SPAG16: variants seen among roughly 807,000 people sequenced by gnomAD.
SPAG16 encodes sperm associated antigen 16.
SPAG16 carries 86 observed loss-of-function variants against 80.4 expected under a neutral mutation model. That is an observed-to-expected ratio of 1.07 (90% CI 0.90 to 1.28). The LOEUF is 1.28. Among genes scored for constraint, SPAG16 ranks in the 50% most tolerant of loss-of-function variants. SPAG16 has a pLI of 0.00. For missense variants in SPAG16, 870 were observed against 765.3 expected (o/e 1.14, Z -1.61); for synonymous variants, 294 against 265.9 (o/e 1.11, Z -1.03).
chr2:214,272,378 G>A (rs1332389145), intron 15 of SPAG16, among the ~76,000 whole-genome samples: 1 of 152,036 alleles, frequency 6.6e-6, no homozygotes, highest in Non-Finnish European at 1.5e-5. Flanking sequence ...CATGTGCCAT[G>A]TTGGTTTGCT....
At chr2:213,602,818 C>A (rs2061116764) in intron 10 of SPAG16, among the ~76,000 whole-genome samples, 1 of 152,114 alleles carries the variant, frequency 6.6e-6, no homozygotes, top group South Asian at 2.1e-4. Context: ...TGAATAAAAT[C>A]TTTGATCTCA....
chr2:213,367,381 C>T (rs144409984), intron 8 of SPAG16, among the ~76,000 whole-genome samples: 29,834 of 151,676 alleles, frequency 0.2, 3,874 homozygotes, highest in Non-Finnish European at 0.3. Flanking sequence ...TTCATAATGG[C>T]TGAACTAGTT....
chr2:214,373,196 A>G (rs960094203), intron 15 of SPAG16, among the ~76,000 whole-genome samples: 1 of 152,216 alleles, frequency 6.6e-6, no homozygotes, highest in African/African-American at 2.4e-5. Flanking sequence ...TATAATACTG[A>G]GGAATTTGTT....
In SPAG16 at chr2:214,117,785, G is replaced by C. The variant is rs867343101; in HGVS notation, c.1593+9524G>C. Among the ~76,000 whole-genome samples, 8 of 152,234 alleles carry C rather than the reference G, an allele frequency of 5.3e-5. No individual in the cohort carries two copies. The Middle Eastern group carries it at 0.027, about 518-fold the overall frequency. On this transcript the variant is annotated intron_variant, in intron 14 of 15. Coordinates refer to ENST00000331683, the MANE Select transcript of SPAG16 (RefSeq NM_024532.5). ...GATCATCTCATTAGCCATGGGAAAAGCATTCAATAAAATTCACAATCCCTT... is the reference window on the plus strand; with the variant it reads ...GATCATCTCATTAGCCATGGGAAAACCATTCAATAAAATTCACAATCCCTT...
chr2:213,793,082 G>T (rs929507423), intron 10 of SPAG16, among the ~76,000 whole-genome samples: 1 of 151,854 alleles, frequency 6.6e-6, no homozygotes, highest in Non-Finnish European at 1.5e-5. Context: ...GCCTGCCACC[G>T]CGCCCAGCTA....
intron 15 of SPAG16, among the ~76,000 whole-genome samples, chr2:214,346,574 T>TA (rs2126040542): frequency 6.6e-6 from 1 of 152,218 alleles, no homozygotes; most frequent in Admixed American, 6.5e-5. Flanking sequence ...GCTTGTGATT[T>TA]CAATAATAGA....
chr2:213,362,767 C>T (rs1476836466), intron 7 of SPAG16, among the ~76,000 whole-genome samples: 1 of 152,146 alleles, frequency 6.6e-6, no homozygotes, highest in Non-Finnish European at 1.5e-5. Flanking sequence ...TCTTGTGTTG[C>T]TATAAAGGAA....
intron 15 of SPAG16, among the ~76,000 whole-genome samples, chr2:214,345,912 T>C (rs1314723763): frequency 6.6e-6 from 1 of 152,240 alleles, no homozygotes; most frequent in Non-Finnish European, 1.5e-5. Context: ...TTTGTTGCTA[T>C]GCAGGATACC....
In SPAG16 at chr2:214,056,420, TTTTG is replaced by T. The variant is rs1352369646; in HGVS notation, c.1527+42347_1527+42350del. ...CAATAAAGCAAGTCACACAATTTTTTTTTGTTTCTCTGTCCATATAAAAGTTATG... is the reference window on the plus strand; with the variant it reads ...CAATAAAGCAAGTCACACAATTTTTTTTTCTCTGTCCATATAAAAGTTATG... On this transcript the variant is annotated intron_variant, in intron 13 of 15. Transcript: ENST00000331683. Among the ~76,000 whole-genome samples the T allele has an allele frequency of 5.9e-5, 9 of 152,112 alleles. No homozygotes were observed. In the South Asian group the frequency reaches 6.2e-4, roughly 11 times the overall value.
intron 9 of SPAG16, among the ~76,000 whole-genome samples, chr2:213,402,160 T>C (rs75058097): frequency 0.069 from 10,514 of 152,104 alleles, 572 homozygotes; most frequent in South Asian, 0.13. Flanking sequence ...ATAATAGGTA[T>C]AATTTTTTAA....
chr2:213,845,435 A>G (rs1037326901), intron 10 of SPAG16, among the ~76,000 whole-genome samples: 1 of 151,994 alleles, frequency 6.6e-6, no homozygotes, highest in Admixed American at 6.6e-5. Flanking sequence ...TGACCTCGTG[A>G]TCCACCCTCT....
intron 12 of SPAG16, among the ~76,000 whole-genome samples, chr2:213,971,441 A>T (rs181284855): frequency 2.0e-5 from 3 of 152,266 alleles, no homozygotes; most frequent in African/African-American, 7.2e-5. Flanking sequence ...TATAAATACA[A>T]CATATACTAC....
intron 12 of SPAG16, among the ~76,000 whole-genome samples, chr2:213,935,697 G>A (rs574503753): frequency 1.3e-5 from 2 of 152,264 alleles, no homozygotes; most frequent in South Asian, 4.1e-4. Flanking sequence ...TTTTATGTTA[G>A]CATTGACCAC....
chr2:213,837,709 A>G (rs2074161062), intron 10 of SPAG16, among the ~76,000 whole-genome samples: 1 of 152,226 alleles, frequency 6.6e-6, no homozygotes, highest in Non-Finnish European at 1.5e-5. Flanking sequence ...TTATATAGCA[A>G]AAGGCACTTG....
At chr2:213,649,751 A>C (rs2062956766) in intron 10 of SPAG16, among the ~76,000 whole-genome samples, 1 of 152,018 alleles carries the variant, frequency 6.6e-6, no homozygotes, top group Non-Finnish European at 1.5e-5. Context: ...ATTTAAAATA[A>C]AATATTTTTT....
chr2:214,177,971 G>GTATATATATATA (rs34460783), intron 15 of SPAG16, among the ~76,000 whole-genome samples: 25 of 59,314 alleles, frequency 4.2e-4, no homozygotes, highest in Admixed American at 1.9e-3. Context: ...CAAAGTGTAT[G>GTATATATATATA]TATATATATA....
chr2:213,813,785 A>C, intron 10 of SPAG16, among the ~76,000 whole-genome samples: 1 of 152,224 alleles, frequency 6.6e-6, no homozygotes, highest in East Asian at 1.9e-4. Context: ...CATGAGATAA[A>C]ACAAACAAAA....
intron 15 of SPAG16, among the ~76,000 whole-genome samples, chr2:214,217,061 G>C (rs1337631881): frequency 6.6e-6 from 1 of 152,154 alleles, no homozygotes; most frequent in Non-Finnish European, 1.5e-5. Flanking sequence ...AAGGAACAAT[G>C]ATTTATAAGA....
chr2:213,862,657 C>T (rs953333707), intron 11 of SPAG16, 29 bp downstream of exon 11: 8 of 1,611,762 alleles, frequency 5.0e-6, no homozygotes, highest in Non-Finnish European at 6.8e-6. Context: ...TAGAAATAGC[C>T]TAATCTCTCT....
Sources: gnomAD v4.1 joint callset for allele counts (sites outside exome capture counted in the v4.1 genomes callset) on GRCh38, gnomAD v4.1.1 for gene constraint, MANE v1.5 for transcripts, NCBI Gene and HGNC (gene_info 2026-07-23, HGNC 2026-07-21) for gene names.